The following WDPCP variants were observed in gnomAD, a reference collection of about 807,000 sequenced individuals.
WDPCP encodes WD repeat-containing and planar cell polarity effector protein fritz homolog.
Under a neutral mutation model 93.1 loss-of-function variants are expected in WDPCP, and 71 were observed. That is an observed-to-expected ratio of 0.76 (90% CI 0.63 to 0.93). WDPCP has a LOEUF of 0.93. Among genes scored for constraint, WDPCP ranks in the 40% least tolerant of loss-of-function variants. WDPCP has a pLI of 0.00. For missense variants in WDPCP, 844 were observed against 887.4 expected, an observed-to-expected ratio of 0.95 and a Z score of 0.62; for synonymous variants, 315 against 315.0, an observed-to-expected ratio of 1.00 and a Z score of 0.00.
chr2:63,435,087 A>G (rs1031655954), intron 8 of WDPCP, among the ~76,000 whole-genome samples: 1 of 152,132 alleles, frequency 6.6e-6, no homozygotes, highest in Non-Finnish European at 1.5e-5. Flanking sequence ...CTGAATGCAC[A>G]TCAAAAGGAA....
intron 1 of WDPCP, among the ~76,000 whole-genome samples, chr2:63,525,845 A>C (rs1703300318): frequency 6.6e-6 from 1 of 152,114 alleles, no homozygotes; most frequent in South Asian, 2.1e-4. Context: ...CTTTAATGTA[A>C]TTTCCTCCTG....
chr2:63,759,044 G>C lies in WDPCP; in HGVS notation n.308+54578C>G, dbSNP rs541000414. Among the ~76,000 whole-genome samples, 38 of 152,166 alleles carry C rather than the reference G, an allele frequency of 2.5e-4. 1 individual carries two copies. Among genetic ancestry groups the C allele is most frequent in the African/African-American group, 9.2e-4 (38 of 41,528 alleles). ...GATCCACCCGCTTTGGCCTCCCAAA[G>C]TGCTGGGATTACAGTCGTGAGGCAC... On this transcript the variant is annotated intron_variant and non_coding_transcript_variant, in intron 2 of 4. Transcript: ENST00000467687.
chr2:63,482,577 G>A (rs919654995), intron 6 of WDPCP, among the ~76,000 whole-genome samples: 5 of 151,920 alleles, frequency 3.3e-5, no homozygotes, highest in African/African-American at 9.7e-5. Flanking sequence ...AATTTATTGC[G>A]ATACCAGAGA....
chr2:63,690,483 C>T (rs576880161), intron 2 of WDPCP, among the ~76,000 whole-genome samples: 19 of 152,172 alleles, frequency 1.2e-4, no homozygotes, highest in African/African-American at 2.9e-4. Flanking sequence ...GGCCAGGAGC[C>T]GTGACCCATG....
At chr2:63,482,576 C>T (rs757341514) in intron 6 of WDPCP, among the ~76,000 whole-genome samples, 1 of 151,850 alleles carries the variant, frequency 6.6e-6, no homozygotes, top group African/African-American at 2.4e-5. Flanking sequence ...TAATTTATTG[C>T]GATACCAGAG....
intron 6 of WDPCP, among the ~76,000 whole-genome samples, chr2:63,483,315 T>C (rs905185406): frequency 1.4e-4 from 21 of 152,134 alleles, no homozygotes; most frequent in Admixed American, 1.1e-3. Flanking sequence ...TGTATTCAAG[T>C]TTTAAAGTCT....
At chr2:63,749,879 C>A (rs1669855102) in intron 2 of WDPCP, among the ~76,000 whole-genome samples, 1 of 152,040 alleles carries the variant, frequency 6.6e-6, no homozygotes, top group Admixed American at 6.5e-5. Context: ...ATGTTTATAT[C>A]CCCATCCTAT....
At chr2:63,718,300 AG>A (rs1669366478) in intron 2 of WDPCP, among the ~76,000 whole-genome samples, 1 of 152,126 alleles carries the variant, frequency 6.6e-6, no homozygotes, top group Non-Finnish European at 1.5e-5. Context: ...ATCAAGGGGT[AG>A]TTCTATCTTT....
At chr2:63,413,485 C>T (rs1053911688) in intron 9 of WDPCP, among the ~76,000 whole-genome samples, 1 of 152,086 alleles carries the variant, frequency 6.6e-6, no homozygotes, top group African/African-American at 2.4e-5. Flanking sequence ...GACCAAGAAC[C>T]CGAAGTCAAA....
intron 13 of WDPCP, among the ~76,000 whole-genome samples, chr2:63,306,829 C>A (rs1174170487): frequency 6.6e-6 from 1 of 152,168 alleles, no homozygotes; most frequent in Non-Finnish European, 1.5e-5. Context: ...TGAAAACCAG[C>A]ACAAGACAGG....
intron 6 of WDPCP, among the ~76,000 whole-genome samples, chr2:63,459,650 T>A (rs1698872074): frequency 6.6e-6 from 1 of 152,218 alleles, no homozygotes; most frequent in Non-Finnish European, 1.5e-5. Context: ...GCATGGTGGC[T>A]CACGCCTGTA....
chr2:63,812,764 A>G (rs1295730332), intron 2 of WDPCP, among the ~76,000 whole-genome samples: 2 of 152,110 alleles, frequency 1.3e-5, no homozygotes, highest in Admixed American at 6.6e-5. Flanking sequence ...GCAATAGAAA[A>G]CTAATACAAA....
intron 1 of WDPCP, among the ~76,000 whole-genome samples, chr2:63,547,417 T>A (rs1336068887): frequency 6.6e-6 from 1 of 152,014 alleles, no homozygotes; most frequent in Non-Finnish European, 1.5e-5. Context: ...TGCGTAAATA[T>A]CCAAAAGAAA....
intron 1 of WDPCP, among the ~76,000 whole-genome samples, chr2:63,529,529 A>G (rs1703646354): frequency 6.6e-6 from 1 of 152,128 alleles, no homozygotes. Context: ...ACTGATTTGC[A>G]TATGTTGAAC....
intron 3 of WDPCP, among the ~76,000 whole-genome samples, chr2:63,616,863 C>T (rs1709678545): frequency 6.6e-6 from 1 of 151,824 alleles, no homozygotes. Flanking sequence ...CAACAAAATG[C>T]TTTTTTTTAA....
rs577689413 is a variant in WDPCP, at chr2:63,453,838, G to C, written c.385-13967C>G. ...AAACCATCATTCTCAGCAAACTATC[G>C]CAAGGACAAAAAACCAAACACTGCA... is the stretch of plus-strand genomic sequence containing the variant. On this transcript the variant is annotated intron_variant, in intron 6 of 17. Coordinates refer to ENST00000272321, the MANE Select transcript of WDPCP (RefSeq NM_015910.7). Among the ~76,000 whole-genome samples the C allele has an allele frequency of 5.5e-4, 83 of 149,954 alleles. No individual in the cohort carries two copies. The South Asian group carries it at 6.8e-3, about 12-fold the overall frequency.
At chr2:63,691,000 G>A (rs1250908378) in intron 2 of WDPCP, among the ~76,000 whole-genome samples, 2 of 152,126 alleles carry the variant, frequency 1.3e-5, no homozygotes, top group Non-Finnish European at 2.9e-5. Context: ...TAATGCAAAT[G>A]TATATCAGTG....
intron 14 of WDPCP, among the ~76,000 whole-genome samples, chr2:63,183,014 T>C (rs1014304753): frequency 2.0e-4 from 31 of 151,924 alleles, no homozygotes; most frequent in Admixed American, 4.6e-4. Context: ...TGATTGTTTA[T>C]TGGATCTTCT....
At chr2:63,510,204 C>G (rs1677301903) in intron 1 of WDPCP, among the ~76,000 whole-genome samples, 1 of 152,226 alleles carries the variant, frequency 6.6e-6, no homozygotes, top group Non-Finnish European at 1.5e-5. Context: ...CAAACCGAAT[C>G]CAGCAGCACA....
Sources: gnomAD v4.1 joint callset for allele counts (sites outside exome capture counted in the v4.1 genomes callset) on GRCh38, gnomAD v4.1.1 for gene constraint, MANE v1.5 for transcripts, NCBI Gene and HGNC (gene_info 2026-07-23, HGNC 2026-07-21) for gene names.